Variants in ELMO1 observed in about 807,000 individuals in gnomAD.
ELMO1 encodes the protein engulfment and cell motility protein 1.
ELMO1 carries 26 observed loss-of-function variants against 98.9 expected under a neutral mutation model. The observed-to-expected ratio is 0.26, with a 90% CI of 0.19 to 0.36. The LOEUF (loss-of-function observed/expected upper bound fraction) is 0.36, where lower values mean the gene tolerates loss of function less well. Among genes scored for constraint, ELMO1 ranks in the 10% least tolerant of loss-of-function variants. The pLI, the probability that ELMO1 is intolerant of heterozygous loss-of-function variation, is 1.00. For synonymous variants in ELMO1, 346 were observed against 346.0 expected (o/e 1.00, Z 0.00); for missense variants, 627 against 935.2 (o/e 0.67, Z 4.30).
chr7:36,998,220 G>A (rs1342311138), intron 16 of ELMO1, among the ~76,000 whole-genome samples: 2 of 152,030 alleles, frequency 1.3e-5, no homozygotes, highest in African/African-American at 2.4e-5. Context: ...ATCAGAGCAG[G>A]GATTCAGAAC....
intron 1 of ELMO1, among the ~76,000 whole-genome samples, chr7:37,378,464 T>C (rs1009123956): frequency 2.0e-5 from 3 of 151,710 alleles, no homozygotes; most frequent in Non-Finnish European, 1.5e-5. Flanking sequence ...AGAAAACTGA[T>C]ACGAAAATAG....
intron 1 of ELMO1, among the ~76,000 whole-genome samples, chr7:37,346,544 C>G (rs985752787): frequency 6.6e-6 from 1 of 152,198 alleles, no homozygotes; most frequent in African/African-American, 2.4e-5. Flanking sequence ...TCTGTATGCT[C>G]TTTGAATACT....
At chr7:37,068,105 A>T (rs1205232887) in intron 15 of ELMO1, among the ~76,000 whole-genome samples, 1 of 152,162 alleles carries the variant, frequency 6.6e-6, no homozygotes, top group Non-Finnish European at 1.5e-5. Context: ...AGTGGAACTG[A>T]CTGTGGGTCA....
intron 1 of ELMO1, among the ~76,000 whole-genome samples, chr7:37,426,142 C>CTTTTT (rs36086006): frequency 2.1e-3 from 175 of 84,552 alleles, no homozygotes; most frequent in African/African-American, 3.2e-3. Flanking sequence ...TTTTTTCTTT[C>CTTTTT]TTTTTTTTTT....
At chr7:37,202,096 C>T (rs955456481) in intron 13 of ELMO1, among the ~76,000 whole-genome samples, 4 of 152,176 alleles carry the variant, frequency 2.6e-5, no homozygotes, top group South Asian at 2.1e-4. Flanking sequence ...GGACCTCCTG[C>T]ATTCTATATA....
chr7:36,922,739 T>C (rs189054928), intron 16 of ELMO1, among the ~76,000 whole-genome samples: 1 of 152,210 alleles, frequency 6.6e-6, no homozygotes, highest in Non-Finnish European at 1.5e-5. Context: ...CCCATGTGGA[T>C]GCTACACTCA....
intron 1 of ELMO1, among the ~76,000 whole-genome samples, chr7:37,422,730 G>GCA (rs1325695190): frequency 6.6e-6 from 1 of 152,206 alleles, no homozygotes; most frequent in African/African-American, 2.4e-5. Context: ...TAGTCATGAT[G>GCA]CACTACAAGA....
intron 1 of ELMO1, among the ~76,000 whole-genome samples, chr7:37,421,981 G>A: frequency 6.6e-6 from 1 of 152,240 alleles, no homozygotes; most frequent in African/African-American, 2.4e-5. Flanking sequence ...TGTAGACAAG[G>A]GGTGCCTCTG....
At chr7:37,394,682 C>G (rs747758661) in intron 1 of ELMO1, among the ~76,000 whole-genome samples, 44 of 152,070 alleles carry the variant, frequency 2.9e-4, no homozygotes, top group Non-Finnish European at 5.3e-4. Flanking sequence ...CACAGAAACA[C>G]CAGATCTGCA....
chr7:37,009,323 C>T (rs1793382483), intron 16 of ELMO1, among the ~76,000 whole-genome samples: 1 of 152,184 alleles, frequency 6.6e-6, no homozygotes, highest in Non-Finnish European at 1.5e-5. Flanking sequence ...ATGGATTATT[C>T]TGCAGAGTGC....
intron 2 of ELMO1, among the ~76,000 whole-genome samples, chr7:37,339,173 G>A (rs1800585603): frequency 6.6e-6 from 1 of 152,230 alleles, no homozygotes; most frequent in Non-Finnish European, 1.5e-5. Context: ...GGAAGCCCTT[G>A]GATTAGATTC....
intron 1 of ELMO1, among the ~76,000 whole-genome samples, chr7:37,438,163 A>G (rs920595398): frequency 6.6e-6 from 1 of 152,170 alleles, no homozygotes; most frequent in African/African-American, 2.4e-5. Flanking sequence ...TGAAGAAAAG[A>G]CATATAAAGC....
intron 17 of ELMO1, among the ~76,000 whole-genome samples, chr7:36,888,836 C>T (rs1805274534): frequency 6.6e-6 from 1 of 152,240 alleles, no homozygotes; most frequent in South Asian, 2.1e-4. Flanking sequence ...TGTTCTCACA[C>T]AGTGCTCCAT....
intron 16 of ELMO1, among the ~76,000 whole-genome samples, chr7:36,964,476 AT>A (rs1384586087): frequency 1.3e-5 from 2 of 152,218 alleles, no homozygotes; most frequent in African/African-American, 4.8e-5. Flanking sequence ...TTTCCACTGA[AT>A]GTGTGTCGCT....
intron 13 of ELMO1, among the ~76,000 whole-genome samples, chr7:37,147,054 A>T (rs1173399122): frequency 1.3e-5 from 2 of 152,178 alleles, no homozygotes; most frequent in African/African-American, 2.4e-5. Flanking sequence ...TATGGGGTCC[A>T]TTAGCAAGAA....
intron 13 of ELMO1, among the ~76,000 whole-genome samples, chr7:37,195,466 G>A (rs149058436): frequency 2.6e-4 from 39 of 152,342 alleles, no homozygotes; most frequent in African/African-American, 9.4e-4. Context: ...GTGACCGATG[G>A]GACGCCATTC....
intron 1 of ELMO1, among the ~76,000 whole-genome samples, chr7:37,428,510 A>C (rs1388051722): frequency 1.3e-5 from 2 of 152,232 alleles, no homozygotes; most frequent in Non-Finnish European, 1.5e-5. Context: ...CGATAATCAG[A>C]ATCCAGAACC....
chr7:37,143,704 C>A (rs1355535319), intron 13 of ELMO1, among the ~76,000 whole-genome samples: 2 of 132,294 alleles, frequency 1.5e-5, no homozygotes, highest in Non-Finnish European at 3.2e-5. Flanking sequence ...GCCACTGCAG[C>A]CGGTCGATTT....
intron 15 of ELMO1, among the ~76,000 whole-genome samples, chr7:37,025,895 T>TTCTTTCTA (rs140586332): frequency 1.4e-5 from 2 of 142,920 alleles, no homozygotes; most frequent in African/African-American, 2.6e-5. Flanking sequence ...ATATTATATA[T>TTCTTTCTA]TCTATCTATC....
Sources: allele counts gnomAD v4.1 joint callset (sites outside exome capture counted in the v4.1 genomes callset), GRCh38; gene constraint gnomAD v4.1.1; transcripts MANE v1.5; gene names NCBI Gene and HGNC (gene_info 2026-07-23, HGNC 2026-07-21).